AQR: variants seen among roughly 807,000 people sequenced by gnomAD.
AQR encodes the protein RNA helicase aquarius.
In AQR, 61 loss-of-function variants were observed where a neutral mutation model predicts 180.5. That is an observed-to-expected ratio of 0.34 (90% CI 0.28 to 0.42). AQR has a LOEUF of 0.42. Ranked by LOEUF, AQR falls within the 10% of genes least tolerant of loss-of-function variation. The probability of loss-of-function intolerance (pLI) is 1.00; values close to 1 mark genes in which losing one functional copy is unlikely to be tolerated. For synonymous variants in AQR, 551 were observed against 588.8 expected (o/e 0.94, Z 0.93); for missense variants, 1,281 against 1,798.3 (o/e 0.71, Z 5.20).
chr15:34,920,754 C>A lies in AQR; in HGVS notation c.1119-320G>T, dbSNP rs1380300196. Among the ~76,000 whole-genome samples the A allele has an allele frequency of 4.6e-5, 7 of 152,108 alleles. No individual in the cohort carries two copies. In the South Asian group the frequency reaches 8.3e-4, roughly 18 times the overall value. ...CAGGCAGATCCCGGGGTCAGGAGAT[C>A]GAGACTATGCTGGCTAACATGGTGA... is the stretch of plus-strand genomic sequence containing the variant. On this transcript the variant is annotated intron_variant, in intron 13 of 34. Coordinates refer to ENST00000156471, the MANE Select transcript of AQR (RefSeq NM_014691.3).
intron 16 of AQR, 77 bp downstream of exon 16, chr15:34,914,961 T>A (rs954797648): frequency 7.1e-7 from 1 of 1,411,396 alleles, no homozygotes; most frequent in Non-Finnish European, 9.4e-7. Flanking sequence ...TTTCTAAATA[T>A]ACTTATAAGG....
At chr15:34,954,971 A>AAT (rs1373761682) in intron 3 of AQR, among the ~76,000 whole-genome samples, 2 of 152,028 alleles carry the variant, frequency 1.3e-5, no homozygotes, top group Non-Finnish European at 2.9e-5. Context: ...AAAATACAAA[A>AAT]AATTAGCCAG....
intron 30 of AQR, among the ~76,000 whole-genome samples, chr15:34,871,799 C>A (rs1293914312): frequency 6.6e-6 from 1 of 151,940 alleles, no homozygotes; most frequent in Admixed American, 6.6e-5. Context: ...GTCTGGTTTA[C>A]TGTTAAATTA....
At chr15:34,964,400 G>T in intron 1 of AQR, 110 bp from the exon 2 acceptor site, 1 of 880,748 alleles carries the variant, frequency 1.1e-6, no homozygotes, top group Non-Finnish European at 1.9e-6. Flanking sequence ...ACTCGGCACT[G>T]GGGGACAGAG....
chr15:34,925,156 A>C (rs1893741120), intron 13 of AQR, among the ~76,000 whole-genome samples: 3 of 152,154 alleles, frequency 2.0e-5, no homozygotes, highest in Admixed American at 2.0e-4. Flanking sequence ...AAAATATTAA[A>C]AGTTCTTTAA....
chr15:34,862,665 TG>T (rs1329784361), intron 33 of AQR, among the ~76,000 whole-genome samples: 1 of 152,188 alleles, frequency 6.6e-6, no homozygotes, highest in Non-Finnish European at 1.5e-5. Flanking sequence ...CCCAAAGTGC[TG>T]GGATTACAGG....
rs1433610582 is a variant in AQR, at chr15:34,884,610, A to G, written c.2942T>C (p.Ile981Thr). The G allele has an allele frequency of 8.7e-6, 14 of 1,603,018 alleles. No homozygotes were observed. Among genetic ancestry groups the G allele is most frequent in the Non-Finnish European group, 1.2e-5 (14 of 1,177,520 alleles). ...HEYFANAPQP[I>T]FKGRSYEEDM... ...TTCTTCATAAGATCTTCCTTTAAAA[A>G]TGGGTTGAGGAGCATTTGCAAAGTA... Residue 981 changes from isoleucine (I) to threonine (T), a missense_variant, in exon 26 of 35, where the codon ATT becomes ACT. Coordinates refer to ENST00000156471, the MANE Select transcript of AQR (RefSeq NM_014691.3).
chr15:34,935,516 T>C (rs1328557096), intron 9 of AQR, among the ~76,000 whole-genome samples: 1 of 152,232 alleles, frequency 6.6e-6, no homozygotes, highest in Non-Finnish European at 1.5e-5. Flanking sequence ...TATTTATTTG[T>C]AGTGTACAGG....
chr15:34,883,474 TTTTAC>T (rs1952902086), intron 26 of AQR, among the ~76,000 whole-genome samples: 2 of 152,336 alleles, frequency 1.3e-5, no homozygotes, highest in East Asian at 1.9e-4. Context: ...GTTTTTATCC[TTTTAC>T]TTTGTGTTTA....
intron 15 of AQR, among the ~76,000 whole-genome samples, chr15:34,917,740 T>C (rs1893616838): frequency 6.6e-6 from 1 of 150,736 alleles, no homozygotes; most frequent in South Asian, 2.1e-4. Flanking sequence ...CCCAGCACTT[T>C]GGGAGGCTGA....
Position 34,896,911 on chromosome 15 carries a change from G to T in AQR, c.2446C>A (p.Pro816Thr), listed in dbSNP as rs1893253863. The change falls in exon 22 of 35, where the codon CCT becomes ACT. Residue 816 changes from proline to threonine, a missense_variant. Pro to Thr is a conservative substitution (Grantham distance 38, BLOSUM62 -1). This residue lies in a region of AQR where 112 missense variants were observed against 128.6 expected (regional missense o/e 0.87). Transcript: ENST00000156471. ...QIEAIRAGMQ[P>T]GLTMVVGPPG... ...AATTCTCTTACCATAGTCAGCCCAG[G>T]CTGCATTCCAGCACGGATGGCTTCT... 5.0e-6 allele frequency: 8 copies of T among 1,611,900 alleles called. No individual in the cohort carries two copies. Among genetic ancestry groups the T allele is most frequent in the East Asian group, 2.2e-5 (1 of 44,890 alleles).
chr15:34,865,099 T>C (rs951561387), intron 32 of AQR, among the ~76,000 whole-genome samples: 5 of 152,122 alleles, frequency 3.3e-5, no homozygotes, highest in Admixed American at 1.3e-4. Flanking sequence ...CTTGGAGTTA[T>C]GTCTTGAAAG....
At chr15:34,946,897 G>GC (rs1401016568) in intron 5 of AQR, among the ~76,000 whole-genome samples, 1 of 148,430 alleles carries the variant, frequency 6.7e-6, no homozygotes, top group South Asian at 2.1e-4. Context: ...GGGGGGGTCA[G>GC]CCCCCCGTCC....
intron 4 of AQR, among the ~76,000 whole-genome samples, chr15:34,950,242 A>C (rs1393102194): frequency 6.6e-6 from 1 of 151,826 alleles, no homozygotes; most frequent in Non-Finnish European, 1.5e-5. Flanking sequence ...GGCATGTGCC[A>C]CCACACCCAG....
intron 19 of AQR, among the ~76,000 whole-genome samples, chr15:34,901,227 C>T (rs1893327219): frequency 6.6e-6 from 1 of 152,176 alleles, no homozygotes. Context: ...AAAGAAAATA[C>T]TTCCTCTCAG....
chr15:34,920,800 T>C (rs1893671841), intron 13 of AQR, among the ~76,000 whole-genome samples: 1 of 151,874 alleles, frequency 6.6e-6, no homozygotes. Flanking sequence ...CTACTAAAAA[T>C]ACAAAAAATT....
chr15:34,896,391 A>G (rs1893244111), intron 22 of AQR, among the ~76,000 whole-genome samples: 1 of 152,234 alleles, frequency 6.6e-6, no homozygotes, highest in South Asian at 2.1e-4. Flanking sequence ...TCATGTTCTA[A>G]TAAAACTTTA....
In AQR at chr15:34,961,376, C is replaced by G. The variant is rs564267468; in HGVS notation, c.133-562G>C. Among the ~76,000 whole-genome samples, 21 of 152,060 alleles carry G rather than the reference C, an allele frequency of 1.4e-4. No individual in the cohort carries two copies. The East Asian group carries it at 3.9e-3, about 28-fold the overall frequency. ...ACTGTAATCCGAGCACTTTGGGAGGCCGAAGAGGGTGGATCATGAGGTCAA... is the reference window on the plus strand; with the variant it reads ...ACTGTAATCCGAGCACTTTGGGAGGGCGAAGAGGGTGGATCATGAGGTCAA... On this transcript the variant is annotated intron_variant, in intron 2 of 34. Transcript: ENST00000156471.
At chr15:34,881,281 G>A (rs371114883) in intron 27 of AQR, among the ~76,000 whole-genome samples, 10 of 152,136 alleles carry the variant, frequency 6.6e-5, no homozygotes, top group South Asian at 4.1e-4. Context: ...ATAAATTGTC[G>A]TATTTGTCCT....
Sources: gnomAD v4.1 joint callset for allele counts (sites outside exome capture counted in the v4.1 genomes callset) on GRCh38, gnomAD v4.1.1 for gene constraint, gnomAD v4.1.1 regional missense constraint, MANE v1.5 for transcripts, NCBI Gene and HGNC (gene_info 2026-07-23, HGNC 2026-07-21) for gene names.